The following ATXN7 variants were observed in gnomAD, a reference collection of about 807,000 sequenced individuals.
ATXN7 encodes the protein ataxin-7.
Under a neutral mutation model 70.5 loss-of-function variants are expected in ATXN7, and 12 were observed. The ratio of observed to expected loss-of-function variants is 0.17; its 90% CI spans 0.11 to 0.28. ATXN7 has a LOEUF of 0.28. ATXN7 is among the 10% of genes least tolerant of loss of function. ATXN7 has a pLI of 1.00. For missense variants in ATXN7, 1,256 were observed against 1,131.7 expected (o/e 1.11, Z -1.58); for synonymous variants, 498 against 448.7 (o/e 1.11, Z -1.39).
intron 1 of ATXN7, among the ~76,000 whole-genome samples, chr3:63,869,741 C>G (rs192062713): frequency 1.3e-5 from 2 of 152,276 alleles, no homozygotes; most frequent in Non-Finnish European, 2.9e-5. Context: ...ACTATACATC[C>G]TTTTAAAGAG....
At chr3:63,940,948 G>C (rs1038303751) in intron 4 of ATXN7, among the ~76,000 whole-genome samples, 1 of 152,160 alleles carries the variant, frequency 6.6e-6, no homozygotes, top group Non-Finnish European at 1.5e-5. Flanking sequence ...ACAGTATTTT[G>C]AGGAGTAGCT....
chr3:63,967,495 C>T (rs1387533583), intron 5 of ATXN7, among the ~76,000 whole-genome samples: 3 of 151,816 alleles, frequency 2.0e-5, no homozygotes, highest in Non-Finnish European at 4.4e-5. Flanking sequence ...TTAGGTCTAC[C>T]GAGACTTAAA....
Position 63,912,708 on chromosome 3 carries a change from A to G in ATXN7, c.110A>G (p.Gln37Arg), listed in dbSNP as rs919026295. 10 of 1,197,590 alleles carry G rather than the reference A, an allele frequency of 8.4e-6. No homozygotes were observed. The highest frequency in any genetic ancestry group is 1.0e-5 in the Non-Finnish European group (10 of 957,350). 74.2% of individuals were successfully genotyped at this position (1,197,590 alleles called of 1,614,324 possible). A position where few individuals can be genotyped will look rare whatever the true frequency, so the allele number is the denominator to read the frequency against. ...CGGCAGCAGCAGCAGCAGCAGCAGC[A>G]GCAGCAGCCGCCGCCTCCGCAGCCC... The part of the protein sequence containing the change: ...AARQQQQQQQ[Q>R]QQPPPPQPQR... The change falls in exon 3 of 13, where the codon CAG becomes CGG. Residue 37 changes from glutamine to arginine, a missense_variant. Transcript: ENST00000674280.
chr3:63,969,352 A>G (rs2075275442), intron 5 of ATXN7, among the ~76,000 whole-genome samples: 3 of 152,202 alleles, frequency 2.0e-5, no homozygotes, highest in East Asian at 3.9e-4. Context: ...TGACTGGCTC[A>G]GTGTAGCACT....
intron 4 of ATXN7, among the ~76,000 whole-genome samples, chr3:63,950,062 T>A (rs1231803020): frequency 6.6e-6 from 1 of 152,164 alleles, no homozygotes; most frequent in Non-Finnish European, 1.5e-5. Flanking sequence ...TCTTAAGTTA[T>A]TGAGGAAATA....
At chr3:63,909,889 T>A (rs183812405) in intron 2 of ATXN7, among the ~76,000 whole-genome samples, 1 of 152,320 alleles carries the variant, frequency 6.6e-6, no homozygotes, top group East Asian at 1.9e-4. Context: ...CAGTTTAATA[T>A]AAGACACTTA....
chr3:63,944,956 T>A (rs1335038317), intron 4 of ATXN7, among the ~76,000 whole-genome samples: 1 of 152,154 alleles, frequency 6.6e-6, no homozygotes, highest in Non-Finnish European at 1.5e-5. Flanking sequence ...CACACCCAAC[T>A]AATTTTTGTA....
chr3:63,935,847 GT>G (rs1402088665), intron 4 of ATXN7, among the ~76,000 whole-genome samples: 1 of 152,048 alleles, frequency 6.6e-6, no homozygotes, highest in Non-Finnish European at 1.5e-5. Context: ...CATTATAAAA[GT>G]GAGTATACAG....
intron 8 of ATXN7, among the ~76,000 whole-genome samples, chr3:63,985,729 CG>C (rs1432726970): frequency 4.6e-5 from 7 of 152,322 alleles, no homozygotes; most frequent in African/African-American, 1.7e-4. Context: ...AATATCCCGT[CG>C]AAAGTCCTCT....
In ATXN7 at chr3:63,912,714, A is replaced by AGCCGCC. The variant is rs1553686135; in HGVS notation, c.120_125dup (p.Pro42_Pro43dup). The AGCCGCC allele has an allele frequency of 9.6e-5, 116 of 1,212,670 alleles. No individual in the cohort carries two copies. In the Admixed American group the frequency reaches 2.7e-3, roughly 28 times the overall value. 75.1% of individuals were successfully genotyped at this position (1,212,670 alleles called of 1,614,324 possible). On this transcript the variant is annotated inframe_insertion, in exon 3 of 13. Coordinates refer to ENST00000674280, the MANE Select transcript of ATXN7 (RefSeq NM_001377405.1). Reference sequence around the variant, plus strand: ...CAGCAGCAGCAGCAGCAGCAGCAGCAGCCGCCGCCTCCGCAGCCCCAGCGG... The same window carrying AGCCGCC: ...CAGCAGCAGCAGCAGCAGCAGCAGCAGCCGCCGCCGCCGCCTCCGCAGCCCCAGCGG...
At chr3:63,877,064 TTTTAA>T (rs563830224) in intron 1 of ATXN7, among the ~76,000 whole-genome samples, 2 of 152,232 alleles carry the variant, frequency 1.3e-5, no homozygotes, top group African/African-American at 4.8e-5. Flanking sequence ...TGAATGGTTT[TTTTAA>T]TTTAAGAGCA....
intron 1 of ATXN7, among the ~76,000 whole-genome samples, chr3:63,880,729 G>C: frequency 6.6e-6 from 1 of 152,104 alleles, no homozygotes; most frequent in African/African-American, 2.4e-5. Context: ...TGACCTTCTA[G>C]ACAAAATTCA....
chr3:63,979,417 C>A (rs2241823), intron 5 of ATXN7, among the ~76,000 whole-genome samples: 57,048 of 151,968 alleles, frequency 0.38, 11,373 homozygotes, highest in East Asian at 0.53. Context: ...TTGGTGTCAT[C>A]TGCTGGTGGG....
Position 63,913,241 on chromosome 3 carries a change from CT to C in ATXN7, c.394+17del, listed in dbSNP as rs777843680. The C allele has an allele frequency of 1.3e-4, 208 of 1,612,212 alleles. 5 individuals are homozygous for C. The highest frequency in any genetic ancestry group is 8.8e-4 in the South Asian group (80 of 91,018). The stretch of plus-strand genomic sequence containing the variant: ...TGTCGGGAAGGTGAGTCCAGCCCCC[CT>C]GATGGAGTTTGTACAAACCCCTGGG... On this transcript the variant is annotated intron_variant, in intron 4 of 12. Coordinates refer to ENST00000674280, the MANE Select transcript of ATXN7 (RefSeq NM_001377405.1).
intron 8 of ATXN7, among the ~76,000 whole-genome samples, chr3:63,986,376 T>G (rs1346166030): frequency 6.6e-6 from 1 of 152,190 alleles, no homozygotes; most frequent in East Asian, 1.9e-4. Flanking sequence ...GAAACCCTAC[T>G]TAGGCTTCAA....
Position 63,897,344 on chromosome 3 carries a change from G to T in ATXN7, c.-110-1055G>T, listed in dbSNP as rs1432150149. Among the ~76,000 whole-genome samples the T allele has an allele frequency of 2.6e-5, 4 of 152,300 alleles. No individual in the cohort carries two copies. In the South Asian group the frequency reaches 8.3e-4, roughly 32 times the overall value. On this transcript the variant is annotated intron_variant, in intron 1 of 12. Transcript: ENST00000674280. Reference sequence around the variant, plus strand: ...TAAGCATTACTGAATAGCATTTTGAGTGAATAAAATTGACACTTTTAAAAA... The same window carrying T: ...TAAGCATTACTGAATAGCATTTTGATTGAATAAAATTGACACTTTTAAAAA...
At chr3:63,877,594 G>A (rs1337514263) in intron 1 of ATXN7, among the ~76,000 whole-genome samples, 2 of 152,200 alleles carry the variant, frequency 1.3e-5, no homozygotes, top group Non-Finnish European at 2.9e-5. Flanking sequence ...ATCTGTCTGT[G>A]TCTTTATCTT....
intron 1 of ATXN7, among the ~76,000 whole-genome samples, chr3:63,878,943 G>A (rs1008839910): frequency 2.0e-5 from 3 of 152,152 alleles, no homozygotes; most frequent in Non-Finnish European, 4.4e-5. Flanking sequence ...GACTCACCTG[G>A]AAGCTGGCCA....
At chr3:63,932,666 C>G (rs961245671) in intron 4 of ATXN7, among the ~76,000 whole-genome samples, 1 of 152,162 alleles carries the variant, frequency 6.6e-6, no homozygotes, top group Non-Finnish European at 1.5e-5. Context: ...ATGTGCTGTC[C>G]CTGTGTAGGT....
Sources: allele counts gnomAD v4.1 joint callset (sites outside exome capture counted in the v4.1 genomes callset), GRCh38; gene constraint gnomAD v4.1.1; transcripts MANE v1.5; gene names NCBI Gene and HGNC (gene_info 2026-07-23, HGNC 2026-07-21).